KAZN: variants seen among roughly 807,000 people sequenced by gnomAD.
KAZN encodes the protein kazrin.
KAZN carries 40 observed loss-of-function variants against 87.4 expected under a neutral mutation model. That is an observed-to-expected ratio of 0.46 (90% CI 0.36 to 0.60). The LOEUF is 0.60. Ranked by LOEUF, KAZN falls within the 20% of genes least tolerant of loss-of-function variation. The pLI, the probability that KAZN is intolerant of heterozygous loss-of-function variation, is 0.00. For synonymous variants in KAZN, 466 were observed against 458.3 expected, an observed-to-expected ratio of 1.02 and a Z score of -0.22; for missense variants, 898 against 1,073.9, an observed-to-expected ratio of 0.84 and a Z score of 2.29.
At chr1:15,005,791 C>CAAAA (rs36037344) in intron 2 of KAZN, among the ~76,000 whole-genome samples, 19 of 145,734 alleles carry the variant, frequency 1.3e-4, no homozygotes, top group Middle Eastern at 3.5e-3. Flanking sequence ...ACTCCGTCTC[C>CAAAA]AAAAAAAAAA....
At chr1:14,658,314 T>A (rs2148709747) in intron 1 of KAZN, among the ~76,000 whole-genome samples, 1 of 152,312 alleles carries the variant, frequency 6.6e-6, no homozygotes, top group Admixed American at 6.5e-5. Context: ...ATACAGAAAT[T>A]GTGTTTGGGA....
At chr1:14,635,007 C>T (rs148131801) in intron 1 of KAZN, among the ~76,000 whole-genome samples, 3 of 152,270 alleles carry the variant, frequency 2.0e-5, no homozygotes, top group Admixed American at 1.3e-4. Context: ...CAGCAAATGT[C>T]ATTTTCCCCG....
chr1:14,937,673 T>C (rs2101619119), intron 1 of KAZN, among the ~76,000 whole-genome samples: 1 of 152,346 alleles, frequency 6.6e-6, no homozygotes, highest in Admixed American at 6.5e-5. Flanking sequence ...CCTTCGCCAG[T>C]TTCCTGGCAC....
chr1:15,036,063 A>C (rs1573130414), intron 3 of KAZN, among the ~76,000 whole-genome samples: 1 of 151,176 alleles, frequency 6.6e-6, no homozygotes, highest in African/African-American at 2.4e-5. Context: ...CCTCACTGTC[A>C]CCTCCCGGGC....
intron 2 of KAZN, among the ~76,000 whole-genome samples, chr1:14,392,838 T>C (rs1662571273): frequency 6.6e-6 from 1 of 152,150 alleles, no homozygotes. Flanking sequence ...ATTCTCATGG[T>C]GATTCTAATG....
At chr1:14,295,890 T>G (rs1654075100) in intron 2 of KAZN, among the ~76,000 whole-genome samples, 2 of 151,966 alleles carry the variant, frequency 1.3e-5, no homozygotes, top group South Asian at 4.1e-4. Context: ...TCTTCTGGAG[T>G]TCAACAGATA....
chr1:14,424,126 T>C (rs764802852), intron 2 of KAZN, among the ~76,000 whole-genome samples: 22 of 152,160 alleles, frequency 1.4e-4, no homozygotes, highest in Non-Finnish European at 2.9e-4. Context: ...CATAGTAAAC[T>C]TGGGCAAGTA....
chr1:13,993,939 G>C (rs950430398), intron 1 of KAZN, among the ~76,000 whole-genome samples: 9 of 152,144 alleles, frequency 5.9e-5, no homozygotes, highest in African/African-American at 2.2e-4. Context: ...TTTAAAATTG[G>C]GAGCCATTTT....
At chr1:14,104,465 C>T (rs577688951) in intron 1 of KAZN, among the ~76,000 whole-genome samples, 2 of 152,134 alleles carry the variant, frequency 1.3e-5, no homozygotes, top group African/African-American at 4.8e-5. Flanking sequence ...TGAGAGAGCA[C>T]CCCCTTGCTC....
At chr1:14,280,370 CAAAAAAAAAA>C (rs1162522967) in intron 2 of KAZN, among the ~76,000 whole-genome samples, 8 of 36,822 alleles carry the variant, frequency 2.2e-4, no homozygotes, top group African/African-American at 1.3e-4. Flanking sequence ...GACTCCATCT[CAAAAAAAAAA>C]AAAAAAAAAA....
intron 2 of KAZN, among the ~76,000 whole-genome samples, chr1:14,356,969 A>G (rs1326849624): frequency 1.3e-5 from 2 of 152,134 alleles, no homozygotes; most frequent in African/African-American, 2.4e-5. Context: ...GAAGAAAGTC[A>G]ATGGTGGCTT....
At chr1:15,065,840 G>A (rs372890715) in intron 8 of KAZN, 87 bp downstream of exon 8, 260 of 1,573,474 alleles carry the variant, frequency 1.7e-4, no homozygotes, top group African/African-American at 3.3e-4. Context: ...GTGTCTGTGC[G>A]TGTGGGCGTG....
At chr1:14,412,633 A>T (rs1664398825) in intron 2 of KAZN, among the ~76,000 whole-genome samples, 1 of 152,144 alleles carries the variant, frequency 6.6e-6, no homozygotes, top group Non-Finnish European at 1.5e-5. Context: ...AATCTAGAGA[A>T]AGGAAGGGCT....
chr1:14,225,597 G>A (rs1647237674), intron 2 of KAZN, among the ~76,000 whole-genome samples: 1 of 152,024 alleles, frequency 6.6e-6, no homozygotes, highest in Non-Finnish European at 1.5e-5. Context: ...AAAGAACAGA[G>A]GCATCATACT....
intron 2 of KAZN, among the ~76,000 whole-genome samples, chr1:14,970,530 G>A (rs1664917652): frequency 6.6e-6 from 1 of 152,152 alleles, no homozygotes; most frequent in Non-Finnish European, 1.5e-5. Context: ...TGCACCCGAG[G>A]AACTGATGTT....
chr1:14,494,211 G>T (rs1029632787), intron 2 of KAZN, among the ~76,000 whole-genome samples: 4 of 152,188 alleles, frequency 2.6e-5, no homozygotes, highest in Non-Finnish European at 5.9e-5. Flanking sequence ...ATAGATGATA[G>T]AATCAAATGG....
intron 2 of KAZN, among the ~76,000 whole-genome samples, chr1:14,309,878 T>C (rs1190260081): frequency 6.9e-6 from 1 of 144,470 alleles, no homozygotes; most frequent in African/African-American, 2.5e-5. Context: ...GCCTGATTTA[T>C]ATTAAAAAAA....
intron 2 of KAZN, among the ~76,000 whole-genome samples, chr1:14,417,763 A>C (rs1275993438): frequency 6.6e-6 from 1 of 151,884 alleles, no homozygotes; most frequent in African/African-American, 2.4e-5. Context: ...TTGGGAGGCC[A>C]AAGCAGGCAG....
intron 1 of KAZN, among the ~76,000 whole-genome samples, chr1:14,085,244 T>G (rs1643819115): frequency 6.6e-6 from 1 of 152,204 alleles, no homozygotes; most frequent in Admixed American, 6.5e-5. Context: ...TTGTGACTTT[T>G]TGGATGTAAT....
Sources: allele counts gnomAD v4.1 joint callset (sites outside exome capture counted in the v4.1 genomes callset), GRCh38; gene constraint gnomAD v4.1.1; transcripts MANE v1.5; gene names NCBI Gene and HGNC (gene_info 2026-07-23, HGNC 2026-07-21).